Variants in DAB1 observed in about 807,000 individuals in gnomAD.
The protein encoded by DAB1 is DAB adaptor protein 1, also known as disabled homolog 1.
Under a neutral mutation model 64.6 loss-of-function variants are expected in DAB1, and 15 were observed. The ratio of observed to expected loss-of-function variants is 0.23; its 90% confidence interval spans 0.16 to 0.36. The LOEUF is 0.36. Ranked by LOEUF, DAB1 falls within the 10% of genes least tolerant of loss-of-function variation. The pLI is 1.00. For synonymous variants in DAB1, 235 were observed against 251.9 expected (o/e 0.93, Z 0.64); for missense variants, 596 against 706.7 (o/e 0.84, Z 1.78).
At chr1:57,944,237 T>C (rs1645148978) in intron 5 of DAB1, among the ~76,000 whole-genome samples, 1 of 152,136 alleles carries the variant, frequency 6.6e-6, no homozygotes, top group Admixed American at 6.6e-5. Context: ...TCCTGTTTGG[T>C]GGCCTGGTAC....
At chr1:57,823,033 G>A (rs1008820353), downstream of DAB1, among the ~76,000 whole-genome samples, 5 of 142,680 alleles carry the variant, frequency 3.5e-5, no homozygotes, top group Non-Finnish European at 7.5e-5. Context: ...CACCCAGGCT[G>A]GAGTGCAGTG....
At chr1:57,901,721 T>C (rs926015651) in intron 5 of DAB1, among the ~76,000 whole-genome samples, 8 of 152,098 alleles carry the variant, frequency 5.3e-5, no homozygotes, top group Admixed American at 5.2e-4. Flanking sequence ...GGCGCTGAAT[T>C]CATGGCTTGT....
At chr1:57,333,491 T>C (rs1676844635) in intron 1 of DAB1, among the ~76,000 whole-genome samples, 1 of 152,244 alleles carries the variant, frequency 6.6e-6, no homozygotes, top group Non-Finnish European at 1.5e-5. Context: ...ACATGCTTGT[T>C]CCTTCCTATT....
chr1:57,636,802 GAA>G (rs1646062490), intron 7 of DAB1, among the ~76,000 whole-genome samples: 1 of 152,160 alleles, frequency 6.6e-6, no homozygotes. Flanking sequence ...GAATTTTCTT[GAA>G]GTTTGAGTTG....
At chr1:57,506,933 C>A (rs1215647307) in intron 7 of DAB1, among the ~76,000 whole-genome samples, 3 of 152,100 alleles carry the variant, frequency 2.0e-5, no homozygotes, top group African/African-American at 7.2e-5. Context: ...CTGCTTCTAC[C>A]TTTTTCAGGT....
chr1:57,836,606 A>T (rs1652819184), intron 1 of DAB1, among the ~76,000 whole-genome samples: 1 of 152,192 alleles, frequency 6.6e-6, no homozygotes, highest in African/African-American at 2.4e-5. Context: ...CAGTGAAATA[A>T]ATTTCCCACC....
chr1:58,136,093 T>C (rs1197383038), intron 5 of DAB1, among the ~76,000 whole-genome samples: 1 of 152,160 alleles, frequency 6.6e-6, no homozygotes, highest in Non-Finnish European at 1.5e-5. Flanking sequence ...AGCATGCATA[T>C]TTAATGTTGC....
At chr1:57,290,548 G>A (rs79341109) in intron 2 of DAB1, among the ~76,000 whole-genome samples, 3,832 of 152,246 alleles carry the variant, frequency 0.025, 156 homozygotes, top group African/African-American at 0.088. Flanking sequence ...GGGAAGGGGG[G>A]TGGTTAGGCA....
At chr1:57,116,478 A>AG (rs1454120373) in intron 4 of DAB1, among the ~76,000 whole-genome samples, 19 of 148,504 alleles carry the variant, frequency 1.3e-4, no homozygotes, top group South Asian at 1.1e-3. Context: ...AAAAAAAAAA[A>AG]AAAAAGAAAG....
At chr1:57,109,365 G>A (rs1259347244) in intron 4 of DAB1, among the ~76,000 whole-genome samples, 1 of 152,170 alleles carries the variant, frequency 6.6e-6, no homozygotes, top group African/African-American at 2.4e-5. Context: ...TGCTTGTTAA[G>A]GAAAGTGCTT....
At chr1:57,312,303 G>T (rs1674783679) in intron 1 of DAB1, among the ~76,000 whole-genome samples, 1 of 151,606 alleles carries the variant, frequency 6.6e-6, no homozygotes. Context: ...TTTTATCTAA[G>T]CAGATGCCGT....
At chr1:58,518,635 T>C (rs543783278) in intron 2 of DAB1, among the ~76,000 whole-genome samples, 1 of 72,806 alleles carries the variant, frequency 1.4e-5, no homozygotes, top group African/African-American at 7.1e-5. Flanking sequence ...TCTTTATCTA[T>C]AAACCCTGGA....
At chr1:57,055,558 G>A (rs1192284870) in intron 9 of DAB1, among the ~76,000 whole-genome samples, 1 of 152,178 alleles carries the variant, frequency 6.6e-6, no homozygotes, top group Non-Finnish European at 1.5e-5. Flanking sequence ...AAACAAAACT[G>A]TGCACCCATC....
intron 5 of DAB1, among the ~76,000 whole-genome samples, chr1:58,093,392 A>C (rs889022135): frequency 6.6e-6 from 1 of 152,194 alleles, no homozygotes; most frequent in Non-Finnish European, 1.5e-5. Context: ...TGGGCCACAC[A>C]ACCGGGAGGT....
intron 1 of DAB1, chr1:57,883,866 G>A (rs1569915490): frequency 2.6e-5 from 4 of 152,184 alleles, no homozygotes; most frequent in African/African-American, 9.6e-5. Context: ...TAACTACAGA[G>A]AGGCAGTTCC....
At chr1:58,188,158 C>T (rs548106391) in intron 4 of DAB1, among the ~76,000 whole-genome samples, 35 of 152,292 alleles carry the variant, frequency 2.3e-4, no homozygotes, top group African/African-American at 7.2e-4. Flanking sequence ...ATCCACCTGC[C>T]TTGGCCTCCC....
intron 4 of DAB1, among the ~76,000 whole-genome samples, chr1:57,122,358 A>T (rs1479459110): frequency 6.6e-6 from 1 of 152,180 alleles, no homozygotes; most frequent in Non-Finnish European, 1.5e-5. Flanking sequence ...AAGAAAAACA[A>T]ATGACTTCAA....
At chr1:57,895,560 G>A (rs530154438) in intron 5 of DAB1, among the ~76,000 whole-genome samples, 2 of 152,288 alleles carry the variant, frequency 1.3e-5, no homozygotes, top group South Asian at 2.1e-4. Flanking sequence ...CTGCCCTCAG[G>A]AAGCATACAG....
chr1:58,136,545 G>T (rs1653955335), intron 5 of DAB1, among the ~76,000 whole-genome samples: 2 of 152,184 alleles, frequency 1.3e-5, no homozygotes, highest in African/African-American at 4.8e-5. Flanking sequence ...ACATGCAAAA[G>T]CCGTTTCCAA....
Sources: gnomAD v4.1 joint callset for allele counts (sites outside exome capture counted in the v4.1 genomes callset) on GRCh38, gnomAD v4.1.1 for gene constraint, MANE v1.5 for transcripts, NCBI Gene and HGNC (gene_info 2026-07-23, HGNC 2026-07-21) for gene names.